ATAD2B: variants seen among roughly 807,000 people sequenced by gnomAD.
ATAD2B encodes the protein ATPase family AAA domain-containing protein 2B.
In ATAD2B, 40 loss-of-function variants were observed where a neutral mutation model predicts 167.6. The ratio of observed to expected loss-of-function variants is 0.24; its 90% CI spans 0.19 to 0.31. ATAD2B has a LOEUF of 0.31. Ranked by LOEUF, ATAD2B falls within the 10% of genes least tolerant of loss-of-function variation. The pLI, the probability that ATAD2B is intolerant of heterozygous loss-of-function variation, is 1.00. For synonymous variants in ATAD2B, 579 were observed against 596.5 expected, an observed-to-expected ratio of 0.97 and a Z score of 0.43; for missense variants, 1,242 against 1,757.2, an observed-to-expected ratio of 0.71 and a Z score of 5.24.
At chr2:23,918,202 CAAAAAAAAAAA>C (rs35163952) in intron 1 of ATAD2B, among the ~76,000 whole-genome samples, 1 of 95,982 alleles carries the variant, frequency 1.0e-5, no homozygotes, top group Non-Finnish European at 2.0e-5. Flanking sequence ...CTTGTCTCTA[CAAAAAAAAAAA>C]AAAAAAAAAA....
At chr2:23,682,876 G>A in the ATAD2B span, among the ~76,000 whole-genome samples, 4 of 102,480 alleles carry the variant, frequency 3.9e-5, no homozygotes, top group East Asian at 5.8e-4. The surrounding 1 kb of genome is among the most constrained non-coding windows in gnomAD (Gnocchi z 4.1). Flanking sequence ...TGGGGTTGGC[G>A]GGGTCAGTGA....
intron 22 of ATAD2B, among the ~76,000 whole-genome samples, chr2:23,779,023 G>T (rs986602938): frequency 6.6e-6 from 1 of 152,144 alleles, no homozygotes; most frequent in South Asian, 2.1e-4. Context: ...CAAGGGAAGG[G>T]AGTGAAATGG....
chr2:23,704,360 T>C, the ATAD2B span, among the ~76,000 whole-genome samples: 2 of 152,088 alleles, frequency 1.3e-5, no homozygotes, highest in Non-Finnish European at 2.9e-5. Flanking sequence ...GCAGAGAAGG[T>C]AGAGGGCTGA....
chr2:23,757,534 G>A lies in ATAD2B; in HGVS notation c.3962C>T (p.Ser1321Leu), dbSNP rs765383233. The change falls in exon 25 of 28, where the codon TCG becomes TTG. Residue 1321 changes from serine to leucine, a missense_variant. Around this residue, in one of 9 missense-constraint regions of ATAD2B, gnomAD observed 282 missense variants for 346.8 expected, o/e 0.81. Transcript: ENST00000238789. ...EDQSKEKPET[S>L]TENHGDDLEK... is the part of the protein sequence containing the mutation. ...AAGATCATCTCCATGATTTTCAGTC[G>A]AAGTTTCTGGTTTTTCTTTTGACTG... 70 of 1,593,352 alleles carry A rather than the reference G, an allele frequency of 4.4e-5. No individual in the cohort carries two copies. Among genetic ancestry groups the A allele is most frequent in the Non-Finnish European group, 5.2e-5 (61 of 1,173,144 alleles).
intron 14 of ATAD2B, among the ~76,000 whole-genome samples, chr2:23,831,710 T>C (rs2149725253): frequency 6.6e-6 from 1 of 152,338 alleles, no homozygotes; most frequent in South Asian, 2.1e-4. Context: ...TTCTCTCTGT[T>C]GTCACAGATG....
chr2:23,755,686 C>CATAA (rs1246759516), intron 25 of ATAD2B, among the ~76,000 whole-genome samples: 1 of 152,184 alleles, frequency 6.6e-6, no homozygotes, highest in Non-Finnish European at 1.5e-5. Flanking sequence ...CATTAGTCCT[C>CATAA]TTATTTCTTA....
the ATAD2B span, among the ~76,000 whole-genome samples, chr2:23,709,379 G>A: frequency 6.6e-6 from 1 of 152,156 alleles, no homozygotes; most frequent in East Asian, 1.9e-4. Flanking sequence ...CCAGTCGGGG[G>A]GCCTCACTGC....
At chr2:23,718,439 C>T in the ATAD2B span, among the ~76,000 whole-genome samples, 2 of 152,254 alleles carry the variant, frequency 1.3e-5, no homozygotes, top group East Asian at 1.9e-4. Flanking sequence ...GGGAAGATCA[C>T]AGAGAGTAAG....
At chr2:23,685,513 AC>A in the ATAD2B span, 2 of 151,942 alleles carry the variant, frequency 1.3e-5, no homozygotes, top group African/African-American at 4.8e-5. Context: ...TTGCCAACTA[AC>A]CCCGGAGTGA....
intron 8 of ATAD2B, among the ~76,000 whole-genome samples, chr2:23,875,290 AG>A (rs2150144490): frequency 6.6e-6 from 1 of 152,218 alleles, no homozygotes; most frequent in Non-Finnish European, 1.5e-5. Context: ...TCACAAGGTC[AG>A]GAGTTTGAGA....
chr2:23,903,122 G>A (rs1701029157), intron 1 of ATAD2B, among the ~76,000 whole-genome samples: 1 of 151,900 alleles, frequency 6.6e-6, no homozygotes, highest in African/African-American at 2.4e-5. Flanking sequence ...TGCAGTCCCA[G>A]CTACTTGGGA....
At chr2:23,759,256 A>AAT (rs1258054410) in intron 24 of ATAD2B, among the ~76,000 whole-genome samples, 3 of 152,164 alleles carry the variant, frequency 2.0e-5, no homozygotes, top group African/African-American at 7.2e-5. Flanking sequence ...AAAAAAAGAC[A>AAT]ATATATATGT....
chr2:23,849,022 A>G (rs1305999117), intron 13 of ATAD2B, among the ~76,000 whole-genome samples: 1 of 151,850 alleles, frequency 6.6e-6, no homozygotes, highest in African/African-American at 2.4e-5. Flanking sequence ...CTAAAAAAAA[A>G]CTTTCAAAGT....
intron 1 of ATAD2B, among the ~76,000 whole-genome samples, chr2:23,903,095 G>A (rs1459026757): frequency 2.0e-5 from 3 of 151,942 alleles, no homozygotes; most frequent in Admixed American, 6.6e-5. Flanking sequence ...AATTAGCCAG[G>A]TGTGCTGGTC....
chr2:23,719,155 G>A, the ATAD2B span, among the ~76,000 whole-genome samples: 1 of 152,162 alleles, frequency 6.6e-6, no homozygotes, highest in Non-Finnish European at 1.5e-5. Context: ...CAGCCCACAG[G>A]AACTAGGCCA....
chr2:23,682,021 G>C, the ATAD2B span, among the ~76,000 whole-genome samples: 1 of 151,650 alleles, frequency 6.6e-6, no homozygotes, highest in Non-Finnish European at 1.5e-5. The surrounding 1 kb of genome is among the most constrained non-coding windows in gnomAD (Gnocchi z 4.1). Flanking sequence ...GTGTCCCACA[G>C]GCCCCACCCC....
chr2:23,682,689 C>T, the ATAD2B span, among the ~76,000 whole-genome samples: 175 of 151,520 alleles, frequency 1.2e-3, no homozygotes, highest in African/African-American at 4.0e-3. The surrounding 1 kb of genome is among the most constrained non-coding windows in gnomAD (Gnocchi z 4.1). Context: ...CACACCCTCC[C>T]GCACCCTCCC....
intron 4 of ATAD2B, 64 bp downstream of exon 4, chr2:23,887,768 T>A (rs1223492216): frequency 1.4e-6 from 2 of 1,401,882 alleles, no homozygotes; most frequent in East Asian, 5.1e-5. Flanking sequence ...GTTATTTTTT[T>A]AAAACGTAAC....
At chr2:23,754,119 T>C in intron 27 of ATAD2B, 60 bp downstream of exon 27, 1 of 1,380,864 alleles carries the variant, frequency 7.2e-7, no homozygotes, top group Non-Finnish European at 9.5e-7. Flanking sequence ...TTTTTCCTCT[T>C]TTCTTTGGAA....
Sources: allele counts gnomAD v4.1 joint callset (sites outside exome capture counted in the v4.1 genomes callset), GRCh38; gene constraint gnomAD v4.1.1; regional missense constraint gnomAD v4.1.1; non-coding constraint Gnocchi (gnomAD v3.1); transcripts MANE v1.5; gene names NCBI Gene and HGNC (gene_info 2026-07-23, HGNC 2026-07-21).